The following LEKR1 variants were observed in gnomAD, a reference collection of about 807,000 sequenced individuals.
LEKR1 encodes protein LEKR1.
LEKR1 carries 59 observed loss-of-function variants against 72.4 expected under a neutral mutation model. The ratio of observed to expected loss-of-function variants is 0.82; its 90% CI spans 0.66 to 1.01. The LOEUF (loss-of-function observed/expected upper bound fraction) is 1.01. Ranked by LOEUF, LEKR1 falls within the 50% of genes least tolerant of loss-of-function variation. The probability of loss-of-function intolerance (pLI) is 0.00; values close to 1 mark genes in which losing one functional copy is unlikely to be tolerated. For synonymous variants in LEKR1, 257 were observed against 263.2 expected (o/e 0.98, Z 0.23); for missense variants, 728 against 759.2 (o/e 0.96, Z 0.48).
chr3:156,987,355 T>TA lies in LEKR1; in HGVS notation c.828-5291dup, dbSNP rs541557425. ...GACTTCCTAGGATGATAGGTGGCTTTAAAAAAATGCAGCCCAAATTTATTA... is the reference window on the plus strand; with the variant it reads ...GACTTCCTAGGATGATAGGTGGCTTTAAAAAAAATGCAGCCCAAATTTATTA... On this transcript the variant is annotated intron_variant, in intron 7 of 12. Coordinates refer to ENST00000356539, the MANE Select transcript of LEKR1 (RefSeq NM_001004316.3). Among the ~76,000 whole-genome samples the TA allele has an allele frequency of 3.5e-3, 529 of 152,140 alleles. 9 individuals are homozygous for TA. The highest frequency in any genetic ancestry group is 0.012 in the African/African-American group (510 of 41,520).
chr3:156,905,433 T>C (rs1722437398), intron 3 of LEKR1, among the ~76,000 whole-genome samples: 1 of 152,176 alleles, frequency 6.6e-6, no homozygotes, highest in African/African-American at 2.4e-5. Context: ...AAAAGCAGTA[T>C]AATACCACTG....
At chr3:156,895,609 T>G (rs1316699706) in intron 3 of LEKR1, among the ~76,000 whole-genome samples, 19 of 150,462 alleles carry the variant, frequency 1.3e-4, no homozygotes, top group Admixed American at 1.3e-3. Flanking sequence ...AGACCTTGTC[T>G]CAAAAAAAAA....
At chr3:157,024,973 A>ATGT (rs1734086099) in intron 11 of LEKR1, 49 bp downstream of exon 11, 9 of 1,296,932 alleles carry the variant, frequency 6.9e-6, no homozygotes, top group Non-Finnish European at 8.7e-6. Flanking sequence ...GAAACTGCAG[A>ATGT]TGTTGTATAT....
intron 6 of LEKR1, among the ~76,000 whole-genome samples, chr3:156,971,422 A>G (rs1729178294): frequency 6.6e-6 from 1 of 152,250 alleles, no homozygotes; most frequent in Non-Finnish European, 1.5e-5. Flanking sequence ...TTCAGGACAT[A>G]GGCATGGGCA....
In LEKR1 at chr3:157,024,892, T is replaced by A; in HGVS notation, c.1336T>A (p.Tyr446Asn). Residue 446 changes from tyrosine to asparagine, a missense_variant, in exon 11 of 13, where the codon TAT (tyrosine) becomes AAT (asparagine). Physicochemically the swap from Tyr to Asn is moderately radical, Grantham distance 143. Transcript: ENST00000356539. ...KEKHQDVIQKYKKEQEELQMK... is the reference protein window; with the variant it reads ...KEKHQDVIQKNKKEQEELQMK... ...AAAACACCAAGATGTAATCCAAAAGTATAAGAAAGAACAAGAGGAACTACA... is the reference window on the plus strand; with the variant it reads ...AAAACACCAAGATGTAATCCAAAAGAATAAGAAAGAACAAGAGGAACTACA... 1 of 1,599,866 alleles carries A rather than the reference T, an allele frequency of 6.3e-7. No homozygotes were observed. Among genetic ancestry groups the A allele is most frequent in the Non-Finnish European group, 8.5e-7 (1 of 1,172,414 alleles).
intron 3 of LEKR1, among the ~76,000 whole-genome samples, chr3:156,899,824 GTA>G (rs760979760): frequency 5.3e-5 from 8 of 149,684 alleles, no homozygotes; most frequent in East Asian, 1.9e-4. Flanking sequence ...ACGTATATAT[GTA>G]TATATATGTA....
At position 156,856,993 on chromosome 3, in the gene LEKR1, T is replaced by C. The variant is rs188136218; in HGVS notation, c.263+4011T>C. Among the ~76,000 whole-genome samples, 3 of 152,216 alleles carry C rather than the reference T, an allele frequency of 2.0e-5. No individual in the cohort carries two copies. In the East Asian group the frequency reaches 5.8e-4, roughly 29 times the overall value. ...AATGCATCTTTATATTTATTTCTAA[T>C]GTAATGCAATCCTGCCTAGTATGTT... On this transcript the variant is annotated intron_variant, in intron 3 of 12. Coordinates refer to ENST00000356539, the MANE Select transcript of LEKR1 (RefSeq NM_001004316.3).
intron 12 of LEKR1, among the ~76,000 whole-genome samples, chr3:157,039,090 A>C (rs137964525): frequency 6.6e-6 from 1 of 152,342 alleles, no homozygotes; most frequent in East Asian, 1.9e-4. Flanking sequence ...AAAACAAAGG[A>C]AAGTACATGT....
At chr3:156,938,305 C>T (rs1725899988) in intron 5 of LEKR1, among the ~76,000 whole-genome samples, 1 of 152,134 alleles carries the variant, frequency 6.6e-6, no homozygotes, top group South Asian at 2.1e-4. Flanking sequence ...AATAGGAACT[C>T]CCTACACATT....
At chr3:156,916,268 T>C (rs879825298) in intron 3 of LEKR1, among the ~76,000 whole-genome samples, 5 of 152,114 alleles carry the variant, frequency 3.3e-5, no homozygotes, top group Non-Finnish European at 7.4e-5. Flanking sequence ...TCCATATGTA[T>C]TTTAAAATAG....
Position 156,857,214 on chromosome 3 carries a change from A to T in LEKR1, c.263+4232A>T, listed in dbSNP as rs183706118. ...CTTTAATCTGTTAATATAGTAAATC[A>T]TACTAATGGATTTTCTAATATGAAG... On this transcript the variant is annotated intron_variant, in intron 3 of 12. Coordinates refer to ENST00000356539, the MANE Select transcript of LEKR1 (RefSeq NM_001004316.3). Among the ~76,000 whole-genome samples, 534 of 152,210 alleles carry T rather than the reference A, an allele frequency of 3.5e-3. 1 individual carries two copies. Among genetic ancestry groups the T allele is most frequent in the Non-Finnish European group, 5.3e-3 (359 of 67,954 alleles).
chr3:156,875,319 T>C (rs569568986), intron 3 of LEKR1, among the ~76,000 whole-genome samples: 90 of 152,316 alleles, frequency 5.9e-4, no homozygotes, highest in African/African-American at 2.0e-3. Context: ...TATTTGTATA[T>C]CTTATTTTGA....
At chr3:156,925,101 C>G (rs1724585150) in intron 4 of LEKR1, 1 of 151,930 alleles carries the variant, frequency 6.6e-6, no homozygotes, top group South Asian at 2.1e-4. Flanking sequence ...ATCTTTAGCC[C>G]TCTCAAAAAT....
intron 10 of LEKR1, among the ~76,000 whole-genome samples, chr3:157,017,885 C>T (rs1027641745): frequency 4.1e-5 from 6 of 144,932 alleles, no homozygotes; most frequent in Non-Finnish European, 8.9e-5. Flanking sequence ...GGAGGCGGAG[C>T]TTGCAGTCAG....
intron 5 of LEKR1, among the ~76,000 whole-genome samples, chr3:156,927,840 C>T (rs1254379961): frequency 6.6e-6 from 1 of 151,876 alleles, no homozygotes; most frequent in East Asian, 1.9e-4. Flanking sequence ...CTGTTCATTA[C>T]TGTTAAAAGT....
In LEKR1 at chr3:156,970,109, A is replaced by T. The variant is rs188125062; in HGVS notation, c.746-9085A>T. On this transcript the variant is annotated intron_variant, in intron 6 of 12. Transcript: ENST00000356539. ...AAAACTCTCAATAAATTAGGTATTG[A>T]TGGGACATATCTCAAAATAATAAGA... Among the ~76,000 whole-genome samples, 28 of 152,376 alleles carry T rather than the reference A, an allele frequency of 1.8e-4. No homozygotes were observed. The East Asian group carries it at 5.0e-3, about 27-fold the overall frequency.
At chr3:157,017,067 C>G (rs1733399767) in intron 10 of LEKR1, among the ~76,000 whole-genome samples, 1 of 152,140 alleles carries the variant, frequency 6.6e-6, no homozygotes, top group Admixed American at 6.6e-5. Flanking sequence ...ATGATCTAAA[C>G]CAGAGATCAG....
At chr3:157,013,059 G>A (rs1415805350) in intron 10 of LEKR1, among the ~76,000 whole-genome samples, 1 of 151,966 alleles carries the variant, frequency 6.6e-6, no homozygotes, top group Admixed American at 6.6e-5. Context: ...TACTCTTTAA[G>A]GGACTAGAAA....
chr3:156,880,935 C>G (rs1430800132), intron 3 of LEKR1, among the ~76,000 whole-genome samples: 1 of 152,036 alleles, frequency 6.6e-6, no homozygotes, highest in East Asian at 1.9e-4. Flanking sequence ...AAAAGGCCTT[C>G]GACAAAATTC....
Sources: allele counts gnomAD v4.1 joint callset (sites outside exome capture counted in the v4.1 genomes callset), GRCh38; gene constraint gnomAD v4.1.1; transcripts MANE v1.5; gene names NCBI Gene and HGNC (gene_info 2026-07-23, HGNC 2026-07-21).